The following PDE4D variants were observed in gnomAD, a reference collection of about 807,000 sequenced individuals.
PDE4D encodes the protein 3',5'-cyclic-AMP phosphodiesterase 4D.
PDE4D carries 24 observed loss-of-function variants against 87.4 expected under a neutral mutation model. The observed-to-expected ratio is 0.27, with a 90% confidence interval of 0.20 to 0.39. The LOEUF (loss-of-function observed/expected upper bound fraction) is 0.39, where lower values mean the gene tolerates loss of function less well. Among genes scored for constraint, PDE4D ranks in the 10% least tolerant of loss-of-function variants. The pLI is 1.00. For missense variants in PDE4D, 714 were observed against 1,041.0 expected (o/e 0.69, Z 4.32); for synonymous variants, 384 against 383.2 (o/e 1.00, Z -0.02).
chr5:60,233,204 C>T (rs900623449), intron 1 of PDE4D, among the ~76,000 whole-genome samples: 2 of 151,762 alleles, frequency 1.3e-5, no homozygotes, highest in Admixed American at 6.6e-5. Flanking sequence ...CATACACACA[C>T]ACACACACAC....
chr5:60,080,476 C>T (rs1773806561), intron 2 of PDE4D, among the ~76,000 whole-genome samples: 1 of 152,178 alleles, frequency 6.6e-6, no homozygotes, highest in Admixed American at 6.5e-5. Flanking sequence ...AAATGGAATG[C>T]TTCCAGGTTT....
intron 1 of PDE4D, among the ~76,000 whole-genome samples, chr5:60,207,077 G>A (rs987782373): frequency 6.6e-6 from 1 of 152,164 alleles, no homozygotes; most frequent in Non-Finnish European, 1.5e-5. Flanking sequence ...AAGGTGTATG[G>A]ATAAGCAGGA....
intron 11 of PDE4D, among the ~76,000 whole-genome samples, chr5:58,980,488 A>G (rs1247531002): frequency 2.0e-5 from 3 of 152,314 alleles, no homozygotes; most frequent in East Asian, 3.9e-4. Context: ...CAACTTTGTA[A>G]GTATTTATTT....
intron 4 of PDE4D, 56 bp from the exon 5 acceptor site, chr5:59,180,700 C>G (rs2153478126): frequency 6.8e-7 from 1 of 1,461,686 alleles, no homozygotes; most frequent in South Asian, 1.2e-5. Context: ...TTGATTTGAT[C>G]ACTCTCTGAG....
intron 1 of PDE4D, among the ~76,000 whole-genome samples, chr5:59,748,904 G>C (rs552631699): frequency 1.3e-5 from 2 of 152,256 alleles, no homozygotes; most frequent in South Asian, 2.1e-4. Context: ...GGCTGCCTGC[G>C]GACAGCACCA....
chr5:59,271,457 G>A (rs1763837584), intron 1 of PDE4D, among the ~76,000 whole-genome samples: 1 of 152,006 alleles, frequency 6.6e-6, no homozygotes, highest in Non-Finnish European at 1.5e-5. Flanking sequence ...GGAATAATGG[G>A]GTTAATGGGT....
Position 60,521,197 on chromosome 5 carries a change from A to C in PDE4D, n.70+854T>G, listed in dbSNP as rs368350785. ...ATATTGCCCAAGTACAAAGCATGAAATACTGCTGGCCTACCCTGACTTTTC... is the reference window on the plus strand; with the variant it reads ...ATATTGCCCAAGTACAAAGCATGAACTACTGCTGGCCTACCCTGACTTTTC... On this transcript the variant is annotated intron_variant and non_coding_transcript_variant, in intron 1 of 2. Coordinates refer to the PDE4D transcript ENST00000506510. 8.5e-5 allele frequency: 13 copies of C among 152,314 alleles called. No individual in the cohort carries two copies. The East Asian group carries it at 1.5e-3, about 18-fold the overall frequency. The allele number at this position is 152,314 out of a possible 1,614,324, so 9.4% of individuals were successfully genotyped here. A position where few individuals can be genotyped will look rare whatever the true frequency, so the allele number is the denominator to read the frequency against.
chr5:59,547,525 C>A (rs1465562759), intron 1 of PDE4D, among the ~76,000 whole-genome samples: 1 of 152,014 alleles, frequency 6.6e-6, no homozygotes, highest in Non-Finnish European at 1.5e-5. Flanking sequence ...TTTTCACAGC[C>A]AAATTTTGAC....
chr5:60,148,480 G>A (rs1234504689), intron 2 of PDE4D, among the ~76,000 whole-genome samples: 4 of 152,162 alleles, frequency 2.6e-5, no homozygotes, highest in Non-Finnish European at 5.9e-5. Flanking sequence ...ACCATTTTAT[G>A]TAAGGAACTT....
At chr5:60,323,065 T>C (rs1756460920) in intron 1 of PDE4D, among the ~76,000 whole-genome samples, 1 of 152,234 alleles carries the variant, frequency 6.6e-6, no homozygotes, top group South Asian at 2.1e-4. Flanking sequence ...AGATGTGAGA[T>C]TAAGTTCCTT....
chr5:59,559,900 C>T (rs957729259), intron 1 of PDE4D, among the ~76,000 whole-genome samples: 5 of 152,150 alleles, frequency 3.3e-5, no homozygotes, highest in African/African-American at 1.2e-4. Context: ...AAATAATTTA[C>T]ATATAAATGA....
At chr5:59,054,214 C>A (rs1291793814) in intron 5 of PDE4D, among the ~76,000 whole-genome samples, 1 of 152,122 alleles carries the variant, frequency 6.6e-6, no homozygotes, top group Admixed American at 6.5e-5. Flanking sequence ...AGAATTTCAA[C>A]TTCTGTGATG....
intron 1 of PDE4D, among the ~76,000 whole-genome samples, chr5:60,347,455 A>G: frequency 6.6e-6 from 1 of 152,184 alleles, no homozygotes; most frequent in East Asian, 1.9e-4. Context: ...TCTAAAGTAT[A>G]CTTTAAAAGA....
chr5:59,855,367 A>G (rs890703972), intron 1 of PDE4D, among the ~76,000 whole-genome samples: 2 of 152,180 alleles, frequency 1.3e-5, no homozygotes, highest in Non-Finnish European at 2.9e-5. Flanking sequence ...GATACACGTA[A>G]TAACAAATAT....
chr5:60,199,133 A>G (rs1320351411), intron 1 of PDE4D, among the ~76,000 whole-genome samples: 3 of 151,744 alleles, frequency 2.0e-5, no homozygotes, highest in Non-Finnish European at 4.4e-5. Context: ...ATGAGCCTCA[A>G]AATGAACCCA....
chr5:59,520,880 CATAT>C (rs1226909676), intron 1 of PDE4D, among the ~76,000 whole-genome samples: 31 of 116,368 alleles, frequency 2.7e-4, no homozygotes, highest in African/African-American at 1.3e-3. Context: ...CACACATATA[CATAT>C]ATACACATAT....
intron 1 of PDE4D, among the ~76,000 whole-genome samples, chr5:59,793,687 T>C (rs1229095527): frequency 6.6e-6 from 1 of 152,242 alleles, no homozygotes; most frequent in Non-Finnish European, 1.5e-5. Context: ...AGGAAAGCTC[T>C]AGTAAAACAA....
intron 1 of PDE4D, among the ~76,000 whole-genome samples, chr5:60,203,989 G>C (rs1056869175): frequency 2.6e-5 from 4 of 152,182 alleles, no homozygotes; most frequent in Admixed American, 2.6e-4. Flanking sequence ...TGTTCCTGAA[G>C]TGAGCATTAG....
chr5:59,717,476 A>T (rs1012754082), intron 1 of PDE4D, among the ~76,000 whole-genome samples: 1 of 152,222 alleles, frequency 6.6e-6, no homozygotes, highest in Non-Finnish European at 1.5e-5. Flanking sequence ...TCCACATGCA[A>T]GATAAAGGCA....
Sources: gnomAD v4.1 joint callset for allele counts (sites outside exome capture counted in the v4.1 genomes callset) on GRCh38, gnomAD v4.1.1 for gene constraint, MANE v1.5 for transcripts, NCBI Gene and HGNC (gene_info 2026-07-23, HGNC 2026-07-21) for gene names.